CCDC39: variants seen among roughly 807,000 people sequenced by gnomAD.
The protein encoded by CCDC39 is coiled-coil domain-containing protein 39.
A neutral mutation model predicts 121.0 loss-of-function variants in CCDC39; 113 were observed. The observed-to-expected ratio is 0.93, with a 90% CI of 0.80 to 1.09. The LOEUF is 1.09. Among genes scored for constraint, CCDC39 ranks in the 50% least tolerant of loss-of-function variants. The pLI is 0.00. For synonymous variants in CCDC39, 349 were observed against 352.2 expected (o/e 0.99, Z 0.10); for missense variants, 1,063 against 1,074.7 (o/e 0.99, Z 0.15).
chr3:180,658,719 T>C (rs899434328), intron 6 of CCDC39, among the ~76,000 whole-genome samples: 1 of 152,104 alleles, frequency 6.6e-6, no homozygotes, highest in African/African-American at 2.4e-5. Context: ...ATTGAAAATA[T>C]AACAACCAAA....
intron 6 of CCDC39, among the ~76,000 whole-genome samples, chr3:180,658,282 T>TA (rs111715766): frequency 0.12 from 14,781 of 119,522 alleles, 1,045 homozygotes; most frequent in East Asian, 0.43. Context: ...AGAACCTCCT[T>TA]AAAAAAAAAA....
chr3:180,663,174 T>G (rs1337438041), intron 2 of CCDC39, among the ~76,000 whole-genome samples: 1 of 152,198 alleles, frequency 6.6e-6, no homozygotes, highest in Non-Finnish European at 1.5e-5. Flanking sequence ...TTTCAATTCT[T>G]GAACAATGCT....
At chr3:180,678,658 A>ATT (rs796685277) in intron 1 of CCDC39, among the ~76,000 whole-genome samples, 2 of 145,132 alleles carry the variant, frequency 1.4e-5, no homozygotes, top group Non-Finnish European at 1.5e-5. Flanking sequence ...CCGGCCTGCA[A>ATT]TTTTTTTTTT....
At chr3:180,624,411 A>G (rs77693620) in intron 14 of CCDC39, among the ~76,000 whole-genome samples, 1,541 of 152,184 alleles carry the variant, frequency 0.01, 31 homozygotes, top group African/African-American at 0.036. Flanking sequence ...TTTACATTCA[A>G]ACTTATATTG....
chr3:180,618,057 GT>G (rs1717314574), intron 16 of CCDC39, among the ~76,000 whole-genome samples: 1 of 152,048 alleles, frequency 6.6e-6, no homozygotes, highest in Non-Finnish European at 1.5e-5. Flanking sequence ...AAGTACCACT[GT>G]GTTACAGTTG....
intron 14 of CCDC39, among the ~76,000 whole-genome samples, chr3:180,629,253 T>C (rs1717637329): frequency 1.3e-5 from 2 of 152,252 alleles, no homozygotes; most frequent in African/African-American, 4.8e-5. Flanking sequence ...ATGAATTTGC[T>C]GGTAGATGCA....
chr3:180,677,155 AATAATAATAATTTTAT>A (rs1712240722), intron 1 of CCDC39, among the ~76,000 whole-genome samples: 6 of 104,618 alleles, frequency 5.7e-5, no homozygotes, highest in African/African-American at 2.7e-4. Context: ...TAATAATAAT[AATAATAATAATTTTAT>A]ATATATATAT....
At chr3:180,653,540 A>G (rs1020926904) in intron 7 of CCDC39, among the ~76,000 whole-genome samples, 1 of 152,212 alleles carries the variant, frequency 6.6e-6, no homozygotes, top group African/African-American at 2.4e-5. Flanking sequence ...GACAGATTCA[A>G]TACAATATCA....
At chr3:180,667,546 T>C (rs1234184839) in intron 1 of CCDC39, among the ~76,000 whole-genome samples, 1 of 152,154 alleles carries the variant, frequency 6.6e-6, no homozygotes, top group African/African-American at 2.4e-5. Context: ...ATGTTACTAT[T>C]GTGATTGTTT....
rs1711722199 is a variant in CCDC39, at chr3:180,660,701, A to G, written c.385T>C (p.Leu129=). ...ENGIFKATQK[L]DGLKCQMNWD... ...TTCATTTGACATTTCAAACCATCCA[A>G]TTTTTGAGTGGCTTTAAATATGCCA... is the stretch of plus-strand genomic sequence containing the variant. The change falls in exon 4 of 20, where the codon TTG becomes CTG. Residue 129 remains leucine (L), a synonymous_variant. Transcript: ENST00000476379. 6.2e-7 allele frequency: 1 copy of G among 1,602,758 alleles called. No homozygotes were observed. Among genetic ancestry groups the G allele is most frequent in the Non-Finnish European group, 8.5e-7 (1 of 1,173,816 alleles).
Position 180,619,323 on chromosome 3 carries a change from C to CT in CCDC39, c.2200dup (p.Arg734LysfsTer4), listed in dbSNP as rs772481057. 6.5e-7 allele frequency: 1 copy of CT among 1,544,352 alleles called. No homozygotes were observed. Among genetic ancestry groups the CT allele is most frequent in the Non-Finnish European group, 8.8e-7 (1 of 1,141,398 alleles). On this transcript the variant is annotated frameshift_variant, in exon 16 of 20. Transcript: ENST00000476379. LOFTEE classifies it high-confidence loss of function. ...GTATCTGTATTTTTCATCAACAGCT[C>CT]TTTTTTGTTCTTCTAGTTGAATTTT...
At chr3:180,640,481 T>C (rs1322841764) in intron 13 of CCDC39, among the ~76,000 whole-genome samples, 13 of 151,934 alleles carry the variant, frequency 8.6e-5, no homozygotes, top group Non-Finnish European at 4.4e-5. Flanking sequence ...GAATGGACAA[T>C]AGAAGATAGC....
intron 1 of CCDC39, among the ~76,000 whole-genome samples, chr3:180,670,066 T>A (rs1399966156): frequency 6.6e-6 from 1 of 152,106 alleles, no homozygotes; most frequent in Admixed American, 6.6e-5. Flanking sequence ...TTCTTATGGA[T>A]TTTTTCTCCT....
Position 180,654,942 on chromosome 3 carries a change from C to A in CCDC39, c.750G>T (p.Arg250Ser). The change falls in exon 7 of 20, where the codon AGG becomes AGT. Residue 250 changes from arginine (R) to serine (S), a missense_variant. Transcript: ENST00000476379. ...CTTTTTCTCTCGTTTCCTGCTTTAT[C>A]CTTGCTAATTCCTAGGATTAAAACA... ...DIDNCALELARIKQETREKEN... is the reference protein window; with the variant it reads ...DIDNCALELASIKQETREKEN... 6.4e-7 allele frequency: 1 copy of A among 1,557,238 alleles called. No individual in the cohort carries two copies. The highest frequency in any genetic ancestry group is 8.6e-7 in the Non-Finnish European group (1 of 1,156,338).
At chr3:180,632,300 T>C (rs1232254225) in intron 13 of CCDC39, among the ~76,000 whole-genome samples, 1 of 152,176 alleles carries the variant, frequency 6.6e-6, no homozygotes, top group East Asian at 1.9e-4. Context: ...AAATTTATAT[T>C]TTATGAGCTA....
In CCDC39 at chr3:180,642,146, A is replaced by C. The variant is rs1379185544; in HGVS notation, c.1721T>G (p.Met574Arg). The change falls in exon 13 of 20, where the codon ATG becomes AGG. Residue 574 changes from methionine to arginine, a missense_variant. By Grantham distance (91) the Met-to-Arg change is moderately conservative. Transcript: ENST00000476379. ...AACTTCTTCTGCCTTACTGTGAAGC[A>C]TTTCTCGAGTACGCTTAACTTCAAG... The part of the protein sequence containing the change: ...LKLEVKRTRE[M>R]LHSKAEEVLS... The C allele has an allele frequency of 2.5e-5, 41 of 1,612,094 alleles. No homozygotes were observed. Among genetic ancestry groups the C allele is most frequent in the Non-Finnish European group, 3.4e-5 (40 of 1,178,844 alleles).
At chr3:180,625,396 C>T (rs1304882264) in intron 14 of CCDC39, among the ~76,000 whole-genome samples, 1 of 149,670 alleles carries the variant, frequency 6.7e-6, no homozygotes, top group East Asian at 2.0e-4. Context: ...TTTGCTCATA[C>T]CCTGAATTGA....
At position 180,618,882 on chromosome 3, in the gene CCDC39, T is replaced by C. The variant is rs184463212; in HGVS notation, c.2265+377A>G. Among the ~76,000 whole-genome samples, 3 of 152,310 alleles carry C rather than the reference T, an allele frequency of 2.0e-5. No individual in the cohort carries two copies. The East Asian group carries it at 5.8e-4, about 29-fold the overall frequency. ...TGCACATTCTTTTATCTTTCAGTGA[T>C]TTGCCTTAGTAAGTACTTTCTACTA... On this transcript the variant is annotated intron_variant, in intron 16 of 19. Coordinates refer to ENST00000476379, the MANE Select transcript of CCDC39 (RefSeq NM_181426.2).
intron 14 of CCDC39, among the ~76,000 whole-genome samples, chr3:180,626,557 A>G (rs1453639340): frequency 1.3e-5 from 2 of 152,146 alleles, no homozygotes; most frequent in South Asian, 4.1e-4. Context: ...ACCAGAGTAC[A>G]TGGGAGTGCC....
Sources: gnomAD v4.1 joint callset for allele counts (sites outside exome capture counted in the v4.1 genomes callset) on GRCh38, gnomAD v4.1.1 for gene constraint, MANE v1.5 for transcripts, NCBI Gene and HGNC (gene_info 2026-07-23, HGNC 2026-07-21) for gene names.